IKBIP: variants seen among roughly 807,000 people sequenced by gnomAD.
The protein encoded by IKBIP is inhibitor of nuclear factor kappa-B kinase-interacting protein.
IKBIP carries 28 observed loss-of-function variants against 31.0 expected under a neutral mutation model. The ratio of observed to expected loss-of-function variants is 0.90; its 90% CI spans 0.67 to 1.24. The LOEUF is 1.24. Ranked by LOEUF, IKBIP falls within the 50% of genes most tolerant of loss-of-function variation. The pLI is 0.00. For missense variants in IKBIP, 453 were observed against 441.9 expected (o/e 1.03, Z -0.23); for synonymous variants, 164 against 160.3 (o/e 1.02, Z -0.17).
chr12:98,616,752 T>C (rs1189100437), intron 2 of IKBIP, among the ~76,000 whole-genome samples: 3 of 152,156 alleles, frequency 2.0e-5, no homozygotes, highest in Non-Finnish European at 4.4e-5. Flanking sequence ...TCCTTTCCCT[T>C]TTGTGTGTTC....
At position 98,636,720 on chromosome 12, in the gene IKBIP, C is replaced by G. The variant is rs147401230; in HGVS notation, c.180-2307G>C. 1.1e-3 allele frequency among the ~76,000 whole-genome samples: 162 copies of G among 152,122 alleles called. 1 individual carries two copies. Among genetic ancestry groups the G allele is most frequent in the African/African-American group, 3.7e-3 (152 of 41,516 alleles). On this transcript the variant is annotated intron_variant, in intron 1 of 2. Coordinates refer to ENST00000299157, the MANE Select transcript of IKBIP (RefSeq NM_153687.4). ...TCTGGTTATTAGAAAACACTATTAT[C>G]CTAATTCTCTGAGATGGAAGGGTGA...
intron 2 of IKBIP, among the ~76,000 whole-genome samples, chr12:98,617,686 G>C (rs1254933642): frequency 6.6e-6 from 1 of 152,130 alleles, no homozygotes; most frequent in Admixed American, 6.5e-5. Context: ...TCAATCAGAA[G>C]ATTAGCCTAT....
chr12:98,617,110 A>G (rs1001856585), intron 2 of IKBIP, among the ~76,000 whole-genome samples: 1 of 152,230 alleles, frequency 6.6e-6, no homozygotes, highest in Admixed American at 6.5e-5. Flanking sequence ...GAATAATTCA[A>G]ATTCTCAAGT....
chr12:98,633,078 C>T (rs73374734), intron 2 of IKBIP, among the ~76,000 whole-genome samples: 3,875 of 152,260 alleles, frequency 0.025, 172 homozygotes, highest in African/African-American at 0.089. Flanking sequence ...GGATTATATG[C>T]TCATCCTGTG....
chr12:98,632,483 GAAAAAAAAAAAAAAAA>G (rs71081871), intron 2 of IKBIP, among the ~76,000 whole-genome samples: 1 of 11,564 alleles, frequency 8.6e-5, no homozygotes, highest in African/African-American at 2.9e-4. Context: ...GACTCTATCT[GAAAAAAAAAAAAAAAA>G]AAAAAAAAAA....
rs115400595 is a variant in IKBIP, at chr12:98,633,261, C to G, written c.297+1035G>C. On this transcript the variant is annotated intron_variant, in intron 2 of 2. Coordinates refer to ENST00000299157, the MANE Select transcript of IKBIP (RefSeq NM_153687.4). ...CCAATGATAGCTTGGTCCCTGGTACCCAGAATAGGCCTACATGATGCCTTA... is the reference window on the plus strand; with the variant it reads ...CCAATGATAGCTTGGTCCCTGGTACGCAGAATAGGCCTACATGATGCCTTA... 2.8e-3 allele frequency among the ~76,000 whole-genome samples: 424 copies of G among 152,114 alleles called. 4 individuals carry two copies. The highest frequency in any genetic ancestry group is 9.8e-3 in the African/African-American group (406 of 41,472).
At chr12:98,614,183 T>C (rs2097604948) in exon 3 of IKBIP, 1 of 1,613,846 alleles carries the variant, frequency 6.2e-7, no homozygotes, top group Non-Finnish European at 8.5e-7. Context: ...TGTAATGTCT[T>C]GAGAAAGCGT....
chr12:98,624,493 A>G lies in IKBIP; in HGVS notation c.*1437T>C. Reference sequence around the variant, plus strand: ...GTTCTCCAAAAACTTGCAAATTTACATATTAAAACTACTTGACCACAACTA... The same window carrying G: ...GTTCTCCAAAAACTTGCAAATTTACGTATTAAAACTACTTGACCACAACTA... On this transcript the variant is annotated 3_prime_UTR_variant, in exon 3 of 3. Coordinates refer to ENST00000299157, the MANE Select transcript of IKBIP (RefSeq NM_153687.4). 3.0e-6 allele frequency: 3 copies of G among 985,402 alleles called. No individual in the cohort carries two copies. Among genetic ancestry groups the G allele is most frequent in the Non-Finnish European group, 3.6e-6 (3 of 829,884 alleles). The allele number at this position is 985,402 out of a possible 1,614,324, so 61.0% of individuals were successfully genotyped here. A position where few individuals can be genotyped will look rare whatever the true frequency, so the allele number is the denominator to read the frequency against.
At chr12:98,629,397 C>G (rs1217756540) in intron 2 of IKBIP, among the ~76,000 whole-genome samples, 1 of 151,718 alleles carries the variant, frequency 6.6e-6, no homozygotes, top group Non-Finnish European at 1.5e-5. Context: ...AACAAACAAA[C>G]AAACAAACAA....
At chr12:98,613,839 T>C in exon 3 of IKBIP, 2 of 1,611,744 alleles carry the variant, frequency 1.2e-6, no homozygotes, top group Non-Finnish European at 1.7e-6. Flanking sequence ...ACTTTGGCTC[T>C]GTCACCTTCT....
At chr12:98,623,104 G>A (rs1344628100), downstream of IKBIP, among the ~76,000 whole-genome samples, 2 of 150,404 alleles carry the variant, frequency 1.3e-5, no homozygotes, top group Admixed American at 1.3e-4. Context: ...TCAGCCTCCC[G>A]AGTAGCTGGG....
At chr12:98,613,640 T>A in exon 3 of IKBIP, 1 of 1,566,254 alleles carries the variant, frequency 6.4e-7, no homozygotes, top group Non-Finnish European at 8.7e-7. Context: ...AATCTCAGCT[T>A]GGACTATTGT....
chr12:98,643,382 A>T (rs1477045073), intron 1 of IKBIP, among the ~76,000 whole-genome samples: 1 of 152,216 alleles, frequency 6.6e-6, no homozygotes, highest in Admixed American at 6.5e-5. Flanking sequence ...ACTCTGGAAG[A>T]TTAACAACAG....
In IKBIP at chr12:98,615,748, A is replaced by G. The variant is rs181063889; in HGVS notation, c.298-1408T>C. 1.8e-3 allele frequency among the ~76,000 whole-genome samples: 279 copies of G among 152,090 alleles called. 1 individual carries two copies. The highest frequency in any genetic ancestry group is 6.4e-3 in the African/African-American group (267 of 41,550). On this transcript the variant is annotated intron_variant, in intron 2 of 2. Coordinates refer to the IKBIP transcript ENST00000342502. The stretch of plus-strand genomic sequence containing the variant: ...ATTCCACATATAATTGAGATCATGC[A>G]GTATTTGTCTTTCTGTGCCTGGTTC...
chr12:98,624,096 T>A (rs1341176479), downstream of IKBIP, among the ~76,000 whole-genome samples: 1 of 151,598 alleles, frequency 6.6e-6, no homozygotes, highest in East Asian at 1.9e-4. Flanking sequence ...TCCATTTACT[T>A]TCAGTAACCA....
In IKBIP at chr12:98,624,318, A is replaced by C. The variant is rs1030348436; in HGVS notation, c.*1612T>G. The C allele has an allele frequency of 3.1e-6, 3 of 979,874 alleles. No homozygotes were observed. The highest frequency in any genetic ancestry group is 3.6e-6 in the Non-Finnish European group (3 of 824,872). The allele number at this position is 979,874 out of a possible 1,614,324, so 60.7% of individuals were successfully genotyped here. A position where few individuals can be genotyped will look rare whatever the true frequency, so the allele number is the denominator to read the frequency against. ...AATAGAATTTTGTCAGTGCACGCAA[A>C]TAAGAGACATTCAGAAGTCAAGAAG... On this transcript the variant is annotated 3_prime_UTR_variant, in exon 3 of 3. Transcript: ENST00000299157.
At chr12:98,627,177 C>T (rs1179803100) in intron 2 of IKBIP, among the ~76,000 whole-genome samples, 1 of 151,640 alleles carries the variant, frequency 6.6e-6, no homozygotes, top group East Asian at 1.9e-4. Context: ...CCATGCTGGC[C>T]AGGCTGGTCT....
chr12:98,628,334 A>T (rs576421693), intron 2 of IKBIP, among the ~76,000 whole-genome samples: 5 of 152,332 alleles, frequency 3.3e-5, no homozygotes, highest in Non-Finnish European at 5.9e-5. Context: ...TTGCTCTCTA[A>T]ATTAGCCTAC....
chr12:98,640,046 T>C (rs2097629064), intron 1 of IKBIP, among the ~76,000 whole-genome samples: 1 of 152,228 alleles, frequency 6.6e-6, no homozygotes, highest in Non-Finnish European at 1.5e-5. Flanking sequence ...GAAAATTATA[T>C]TGGATAATTA....
Sources: gnomAD v4.1 joint callset for allele counts (sites outside exome capture counted in the v4.1 genomes callset) on GRCh38, gnomAD v4.1.1 for gene constraint, MANE v1.5 for transcripts, NCBI Gene and HGNC (gene_info 2026-07-23, HGNC 2026-07-21) for gene names.